MYO1B: variants seen among roughly 807,000 people sequenced by gnomAD.
MYO1B encodes the protein myosin IB.
In MYO1B, 72 loss-of-function variants were observed where a neutral mutation model predicts 159.7. That is an observed-to-expected ratio of 0.45 (90% CI 0.37 to 0.55). The LOEUF (loss-of-function observed/expected upper bound fraction) is 0.55, where lower values mean the gene tolerates loss of function less well. Among genes scored for constraint, MYO1B ranks in the 20% least tolerant of loss-of-function variants. The pLI is 0.00. For missense variants in MYO1B, 1,062 were observed against 1,364.8 expected (o/e 0.78, Z 3.50); for synonymous variants, 468 against 473.8 (o/e 0.99, Z 0.16).
At chr2:191,269,520 T>G (rs6741454) in intron 1 of MYO1B, among the ~76,000 whole-genome samples, 80,627 of 152,018 alleles carry the variant, frequency 0.53, 22,114 homozygotes, top group East Asian at 0.66. Flanking sequence ...TACCCAGAGG[T>G]GGAATTTCTC....
At chr2:191,330,250 G>T (rs575915520) in intron 4 of MYO1B, among the ~76,000 whole-genome samples, 2 of 152,088 alleles carry the variant, frequency 1.3e-5, no homozygotes, top group African/African-American at 2.4e-5. Flanking sequence ...GTCTAGTGCC[G>T]GATTCTAGAC....
chr2:191,322,581 A>G (rs971597394), intron 3 of MYO1B, among the ~76,000 whole-genome samples: 12 of 152,150 alleles, frequency 7.9e-5, no homozygotes, highest in Admixed American at 1.3e-4. Context: ...CAGGCTAGAA[A>G]AAATTTTGGG....
rs118133763 is a variant in MYO1B at position 191,256,016 on chromosome 2, A to G, written c.-10+10390A>G. On this transcript the variant is annotated intron_variant, in intron 1 of 30. Coordinates refer to ENST00000392318, the MANE Select transcript of MYO1B (RefSeq NM_001130158.3). The stretch of plus-strand genomic sequence containing the variant: ...CAGCCTTCTCCACTCTCCCTCCTTC[A>G]CTGTCTCTTAAACACACACTGAGGG... Among the ~76,000 whole-genome samples, 87 of 152,056 alleles carry G rather than the reference A, an allele frequency of 5.7e-4. 2 individuals are homozygous for G. In the East Asian group the frequency reaches 0.014, roughly 25 times the overall value.
At chr2:191,397,769 C>A (rs1324464498) in intron 21 of MYO1B, among the ~76,000 whole-genome samples, 1 of 145,272 alleles carries the variant, frequency 6.9e-6, no homozygotes, top group Non-Finnish European at 1.5e-5. Flanking sequence ...GTAGGGGCGG[C>A]CGGGCAGAAG....
Position 191,362,305 on chromosome 2 carries a change from C to T in MYO1B, c.699C>T (p.Asn233=). 6.2e-7 allele frequency: 1 copy of T among 1,613,834 alleles called. No individual in the cohort carries two copies. The highest frequency in any genetic ancestry group is 1.1e-5 in the South Asian group (1 of 91,050). ...TTGAGAGGGATTTCAGCAGGTATAACTACCTGAGTCTGGATTCGGCCAAAG... is the reference window on the plus strand; with the variant it reads ...TTGAGAGGGATTTCAGCAGGTATAATTACCTGAGTCTGGATTCGGCCAAAG... ...LKLERDFSRY[N]YLSLDSAKVN... is the part of the protein sequence containing the mutation. Residue 233 remains asparagine (N), a synonymous_variant, in exon 9 of 31, where the codon AAC becomes AAT. Transcript: ENST00000392318.
chr2:191,250,633 T>A (rs748543345), intron 1 of MYO1B, among the ~76,000 whole-genome samples: 4 of 152,246 alleles, frequency 2.6e-5, no homozygotes, highest in South Asian at 2.1e-4. Context: ...TGCTACTGTT[T>A]ATTAAGTATT....
intron 1 of MYO1B, 105 bp downstream of exon 1, chr2:191,245,731 C>G (rs1389299102): frequency 6.6e-6 from 1 of 152,256 alleles, no homozygotes; most frequent in Non-Finnish European, 1.5e-5. Flanking sequence ...TCCCTGGCCC[C>G]GTCGCACCCT....
chr2:191,304,936 TA>T (rs1228440025), intron 3 of MYO1B, among the ~76,000 whole-genome samples: 3 of 152,122 alleles, frequency 2.0e-5, no homozygotes, highest in Admixed American at 6.5e-5. Flanking sequence ...ATTTCAGTGA[TA>T]CAATCTTAAA....
rs1559201496 is a variant in MYO1B, at chr2:191,362,341, G to A, written c.735G>A (p.Val245=). 2 of 1,613,810 alleles carry A rather than the reference G, an allele frequency of 1.2e-6. No homozygotes were observed. The highest frequency in any genetic ancestry group is 1.1e-5 in the South Asian group (1 of 91,052). The part of the protein sequence containing the change: ...LSLDSAKVNG[V]DDAANFRTVR... ...TGGATTCGGCCAAAGTGAATGGAGT[G>A]GATGATGCAGCAAATTTTAGAACCG... Residue 245 remains valine, a synonymous_variant, in exon 9 of 31, where the codon GTG becomes GTA. Transcript: ENST00000392318.
Position 191,392,193 on chromosome 2 carries a change from C to T in MYO1B, c.2068C>T (p.Pro690Ser), listed in dbSNP as rs1695795829. The T allele has an allele frequency of 4.4e-6, 7 of 1,601,818 alleles. No individual in the cohort carries two copies. The highest frequency in any genetic ancestry group is 6.0e-6 in the Non-Finnish European group (7 of 1,171,372). ...FGRSKIFIRN[P>S]RTLFKLEDLR... ...TAGATCAAAGATATTCATCCGAAAC[C>T]CAAGAACAGTATGTAACGAAAACCT... Residue 690 changes from proline (P) to serine (S), a missense_variant, in exon 19 of 31, where the codon CCA becomes TCA. Physicochemically the swap from Pro to Ser is moderately conservative, Grantham distance 74 (BLOSUM62 -1). Transcript: ENST00000392318.
chr2:191,258,360 T>C (rs554744101), intron 1 of MYO1B, among the ~76,000 whole-genome samples: 92 of 152,314 alleles, frequency 6.0e-4, no homozygotes, highest in Admixed American at 1.6e-3. Context: ...AGGGCACTTA[T>C]GAATAGAGCT....
Position 191,385,819 on chromosome 2 carries a change from T to G in MYO1B, c.1354-65T>G. 3.3e-6 allele frequency: 5 copies of G among 1,509,528 alleles called. No homozygotes were observed. The South Asian group carries it at 6.1e-5, about 18-fold the overall frequency. The allele number at this position is 1,509,528 out of a possible 1,614,324, so 93.5% of individuals were successfully genotyped here. On this transcript the variant is annotated intron_variant, in intron 15 of 30. Transcript: ENST00000392318. Reference sequence around the variant, plus strand: ...AGTTGATTGTGTTTGATGGTGTAATTAGGAATAATTATTAAAACAATATAG... The same window carrying G: ...AGTTGATTGTGTTTGATGGTGTAATGAGGAATAATTATTAAAACAATATAG...
intron 19 of MYO1B, among the ~76,000 whole-genome samples, 177 bp from the exon 20 acceptor site, chr2:191,392,896 A>G (rs1444120071): frequency 6.6e-6 from 1 of 152,222 alleles, no homozygotes; most frequent in Admixed American, 6.5e-5. Context: ...GAATCCATCA[A>G]AATAATTTTC....
chr2:191,385,006 G>A (rs954027202), intron 15 of MYO1B, among the ~76,000 whole-genome samples: 4 of 152,218 alleles, frequency 2.6e-5, no homozygotes, highest in South Asian at 2.1e-4. Context: ...TCGTGGCCTT[G>A]TTAGCAGAAG....
chr2:191,280,184 G>A (rs1687973915), intron 2 of MYO1B, among the ~76,000 whole-genome samples: 1 of 152,160 alleles, frequency 6.6e-6, no homozygotes, highest in Non-Finnish European at 1.5e-5. Context: ...AGCAGCTGAC[G>A]CTGGAAGCAG....
At chr2:191,388,310 CT>C (rs1695525884) in intron 17 of MYO1B, 1 of 150,930 alleles carries the variant, frequency 6.6e-6, no homozygotes, top group Admixed American at 6.6e-5. Context: ...GCCTTCTGGG[CT>C]CTTCTCTTTT....
At chr2:191,344,470 A>C (rs1692427108) in intron 5 of MYO1B, among the ~76,000 whole-genome samples, 1 of 152,196 alleles carries the variant, frequency 6.6e-6, no homozygotes. Context: ...CTCTAAGGCA[A>C]AGAACTTTGC....
At chr2:191,325,949 G>A (rs1383962226) in intron 3 of MYO1B, among the ~76,000 whole-genome samples, 3 of 152,120 alleles carry the variant, frequency 2.0e-5, no homozygotes, top group East Asian at 1.9e-4. Flanking sequence ...AAGAACAGCC[G>A]TGTAGCTGAT....
chr2:191,247,934 A>G, intron 1 of MYO1B: 1 of 985,400 alleles, frequency 1.0e-6, no homozygotes, highest in Non-Finnish European at 1.2e-6. Flanking sequence ...TTAAAGACTA[A>G]CTTACCCTGA....
Sources: gnomAD v4.1 joint callset for allele counts (sites outside exome capture counted in the v4.1 genomes callset) on GRCh38, gnomAD v4.1.1 for gene constraint, MANE v1.5 for transcripts, NCBI Gene and HGNC (gene_info 2026-07-23, HGNC 2026-07-21) for gene names.